Variants in F13A1 observed in about 807,000 individuals in gnomAD.
The protein encoded by F13A1 is coagulation factor XIII A chain, also known as FSF, A subunit.
Under a neutral mutation model 80.1 loss-of-function variants are expected in F13A1, and 47 were observed. The observed-to-expected ratio is 0.59, with a 90% CI of 0.46 to 0.75. The LOEUF (loss-of-function observed/expected upper bound fraction) is 0.75, where lower values mean the gene tolerates loss of function less well. F13A1 is among the 30% of genes least tolerant of loss of function. The pLI is 0.00. For synonymous variants in F13A1, 349 were observed against 344.9 expected, an observed-to-expected ratio of 1.01 and a Z score of -0.13; for missense variants, 817 against 930.4, an observed-to-expected ratio of 0.88 and a Z score of 1.59.
chr6:6,289,315 C>T (rs980877907), intron 3 of F13A1, among the ~76,000 whole-genome samples: 1 of 152,128 alleles, frequency 6.6e-6, no homozygotes. Flanking sequence ...ATCACGTGAG[C>T]TGTCATCCCT....
chr6:6,217,723 C>G (rs1238957202), intron 8 of F13A1, among the ~76,000 whole-genome samples: 5 of 151,956 alleles, frequency 3.3e-5, no homozygotes. Flanking sequence ...TATAGAAGAA[C>G]AATCTCAATT....
chr6:6,234,180 T>C (rs564114776), intron 6 of F13A1, among the ~76,000 whole-genome samples: 97 of 152,200 alleles, frequency 6.4e-4, no homozygotes, highest in Admixed American at 2.8e-3. Flanking sequence ...GCTGACGATA[T>C]GATTGTTTAC....
intron 3 of F13A1, among the ~76,000 whole-genome samples, chr6:6,304,504 C>A (rs1277145891): frequency 6.6e-6 from 1 of 152,094 alleles, no homozygotes; most frequent in African/African-American, 2.4e-5. Flanking sequence ...TTAAGAAGCA[C>A]CAGACCAAAG....
rs749050270 is a variant in F13A1 at position 6,248,187 on chromosome 6, A to G, written c.798+125T>C. On this transcript the variant is annotated intron_variant, in intron 6 of 14. Transcript: ENST00000264870. Reference sequence around the variant, plus strand: ...GAGCTATAACTGGGTGTCAGAAGCTAGAATCTTACAAATGAAAGTTTATTA... The same window carrying G: ...GAGCTATAACTGGGTGTCAGAAGCTGGAATCTTACAAATGAAAGTTTATTA... 1.2e-4 allele frequency: 106 copies of G among 852,280 alleles called. No homozygotes were observed. In the Middle Eastern group the frequency reaches 8.8e-3, roughly 71 times the overall value. The allele number at this position is 852,280 out of a possible 1,614,324, so 52.8% of individuals were successfully genotyped here.
In F13A1 at chr6:6,274,129, T is replaced by C. The variant is rs1757956557; in HGVS notation, c.320-7320A>G. ...CTAGCTCAGGCAAACTTAGGTAGGG[T>C]TGGGGGGAAACTTTGTGAAGACAGA... On this transcript the variant is annotated intron_variant, in intron 3 of 14. Transcript: ENST00000264870. 2.0e-5 allele frequency among the ~76,000 whole-genome samples: 3 copies of C among 152,184 alleles called. No homozygotes were observed. In the South Asian group the frequency reaches 6.2e-4, roughly 32 times the overall value.
intron 3 of F13A1, among the ~76,000 whole-genome samples, chr6:6,275,926 C>T (rs1268134774): frequency 6.6e-6 from 1 of 152,126 alleles, no homozygotes; most frequent in African/African-American, 2.4e-5. Context: ...AAAAAATAAC[C>T]AGCAGAAAAT....
chr6:6,251,531 T>G (rs1757632969), intron 4 of F13A1, among the ~76,000 whole-genome samples: 1 of 152,164 alleles, frequency 6.6e-6, no homozygotes, highest in Non-Finnish European at 1.5e-5. Flanking sequence ...TTTTCTTCCC[T>G]GTGGCTAGAA....
chr6:6,239,323 G>T (rs1364300001), intron 6 of F13A1, among the ~76,000 whole-genome samples: 1 of 152,070 alleles, frequency 6.6e-6, no homozygotes, highest in African/African-American at 2.4e-5. Context: ...AATGAGGTGG[G>T]GATTGACCGG....
At position 6,204,909 on chromosome 6, in the gene F13A1, C is replaced by T. The variant is rs1055421882; in HGVS notation, c.1113-7583G>A. 6.6e-5 allele frequency among the ~76,000 whole-genome samples: 10 copies of T among 152,196 alleles called. No individual in the cohort carries two copies. In the East Asian group the frequency reaches 1.9e-3, roughly 29 times the overall value. The stretch of plus-strand genomic sequence containing the variant: ...GGCGTCATGTCAAAGGCCAGCAGTC[C>T]AGTCAGGTGGAGACTAGGCCAGGGC... On this transcript the variant is annotated intron_variant, in intron 8 of 14. Transcript: ENST00000264870.
rs576124303 is a variant in F13A1, at chr6:6,197,518, A to G, written c.1113-192T>C. Among the ~76,000 whole-genome samples the G allele has an allele frequency of 4.6e-5, 7 of 152,230 alleles. No homozygotes were observed. In the South Asian group the frequency reaches 1.5e-3, roughly 32 times the overall value. On this transcript the variant is annotated intron_variant, in intron 8 of 14. Transcript: ENST00000264870. ...CATGATGAAACCCTGTCTCTACTAA[A>G]AATACAAAAATTAGCTGGGTGTGGT...
chr6:6,187,162 A>C (rs142270405), intron 10 of F13A1, among the ~76,000 whole-genome samples: 1 of 110,562 alleles, frequency 9.0e-6, no homozygotes, highest in Admixed American at 9.3e-5. Context: ...CAATCATGTC[A>C]TCTGCAAACA....
chr6:6,293,123 G>A (rs1238229714), intron 3 of F13A1, among the ~76,000 whole-genome samples: 5 of 152,110 alleles, frequency 3.3e-5, no homozygotes, highest in African/African-American at 1.2e-4. Flanking sequence ...AATCTCCAAA[G>A]CGCTGACCTG....
intron 13 of F13A1, among the ~76,000 whole-genome samples, chr6:6,166,626 C>T (rs528452294): frequency 6.3e-4 from 96 of 152,316 alleles, no homozygotes; most frequent in Non-Finnish European, 1.1e-3. Flanking sequence ...GCTTCCAGGG[C>T]AGGAAGGCGT....
intron 3 of F13A1, among the ~76,000 whole-genome samples, chr6:6,273,489 A>G (rs1757948480): frequency 6.6e-6 from 1 of 152,108 alleles, no homozygotes; most frequent in East Asian, 1.9e-4. Context: ...TTCTTATATA[A>G]ACACATTTTA....
chr6:6,218,650 G>A (rs1160564585), intron 8 of F13A1, among the ~76,000 whole-genome samples: 3 of 152,132 alleles, frequency 2.0e-5, no homozygotes, highest in Admixed American at 6.5e-5. Context: ...CTCTGTTGGC[G>A]TCAACAGTGG....
At chr6:6,230,027 A>C (rs1262858602) in intron 6 of F13A1, among the ~76,000 whole-genome samples, 3 of 152,022 alleles carry the variant, frequency 2.0e-5, no homozygotes, top group Non-Finnish European at 4.4e-5. Flanking sequence ...AGAGGATAAA[A>C]CTCCACATGG....
intron 3 of F13A1, among the ~76,000 whole-genome samples, chr6:6,280,253 C>A (rs1366042030): frequency 6.6e-6 from 1 of 152,154 alleles, no homozygotes; most frequent in African/African-American, 2.4e-5. Flanking sequence ...AGATATGATA[C>A]ATTTCCTGTG....
In F13A1 at chr6:6,277,244, G is replaced by A. The variant is rs2113137618; in HGVS notation, c.320-10435C>T. ...CCAGCTACTTGGGAGGCTGAGGCAG[G>A]AGAATGGCGTGAACCCGGGAGGCGG... On this transcript the variant is annotated intron_variant, in intron 3 of 14. Coordinates refer to ENST00000264870, the MANE Select transcript of F13A1 (RefSeq NM_000129.4). Among the ~76,000 whole-genome samples the A allele has an allele frequency of 3.8e-5, 2 of 52,614 alleles. 1 individual carries two copies. The highest frequency in any genetic ancestry group is 6.6e-5 in the Non-Finnish European group (2 of 30,494). The allele number at this position is 52,614 out of a possible 152,430, so 34.5% of individuals were successfully genotyped here.
At chr6:6,289,983 T>C (rs1561680516) in intron 3 of F13A1, among the ~76,000 whole-genome samples, 2 of 152,324 alleles carry the variant, frequency 1.3e-5, no homozygotes, top group East Asian at 3.9e-4. Context: ...AAGGTTGGCA[T>C]TGAACACAGC....
Sources: gnomAD v4.1 joint callset for allele counts (sites outside exome capture counted in the v4.1 genomes callset) on GRCh38, gnomAD v4.1.1 for gene constraint, MANE v1.5 for transcripts, NCBI Gene and HGNC (gene_info 2026-07-23, HGNC 2026-07-21) for gene names.